RASA2: variants seen among roughly 807,000 people sequenced by gnomAD.
The protein encoded by RASA2 is RAS p21 protein activator 2.
RASA2 carries 155 observed loss-of-function variants against 118.2 expected under a neutral mutation model. The observed-to-expected ratio is 1.31, with a 90% CI of 1.15 to 1.50. The LOEUF (loss-of-function observed/expected upper bound fraction) is 1.50. RASA2 is among the 40% of genes most tolerant of loss of function. The probability of loss-of-function intolerance (pLI) is 0.00; values close to 1 mark genes in which losing one functional copy is unlikely to be tolerated. For missense variants in RASA2, 1,016 were observed against 1,009.6 expected (o/e 1.01, Z -0.09); for synonymous variants, 353 against 349.1 (o/e 1.01, Z -0.12).
At position 141,614,544 on chromosome 3, in the gene RASA2, A is replaced by G. The variant is rs1216659531; in HGVS notation, c.*2231A>G. On this transcript the variant is annotated 3_prime_UTR_variant, in exon 24 of 24. Coordinates refer to ENST00000286364, the MANE Select transcript of RASA2 (RefSeq NM_006506.5). ...ACCTTTTCCACATTTGAAAATATAC[A>G]AGGCAGCTCACTTCATCCTAAAAAC... 1 of 152,164 alleles carries G rather than the reference A, an allele frequency of 6.6e-6. No individual in the cohort carries two copies. The highest frequency in any genetic ancestry group is 2.4e-5 in the African/African-American group (1 of 41,434). The allele number at this position is 152,164 out of a possible 1,614,324, so 9.4% of individuals were successfully genotyped here. A position where few individuals can be genotyped will look rare whatever the true frequency, so the allele number is the denominator to read the frequency against.
intron 1 of RASA2, among the ~76,000 whole-genome samples, chr3:141,510,258 G>A (rs927376022): frequency 7.9e-5 from 12 of 152,132 alleles, no homozygotes; most frequent in Admixed American, 5.2e-4. Flanking sequence ...TGGTTTTATG[G>A]TTCTTGGGGT....
At chr3:141,494,495 A>G (rs1015996068) in intron 1 of RASA2, among the ~76,000 whole-genome samples, 65 of 152,236 alleles carry the variant, frequency 4.3e-4, no homozygotes, top group African/African-American at 1.5e-3. Flanking sequence ...CAGCCTCCCG[A>G]GTAGCTGGGA....
rs973978822 is a variant in RASA2 at position 141,586,928 on chromosome 3, T to C, written c.1933+176T>C. ...TATTTGACAGTAACCCCATGTATATTATGTTTTTCTCACATTAAATTTCTT... is the reference window on the plus strand; with the variant it reads ...TATTTGACAGTAACCCCATGTATATCATGTTTTTCTCACATTAAATTTCTT... On this transcript the variant is annotated intron_variant, in intron 19 of 23. Coordinates refer to ENST00000286364, the MANE Select transcript of RASA2 (RefSeq NM_006506.5). The C allele has an allele frequency of 4.3e-5, 28 of 656,052 alleles. No individual in the cohort carries two copies. The African/African-American group carries it at 4.5e-4, about 11-fold the overall frequency. The allele number at this position is 656,052 out of a possible 1,614,324, so 40.6% of individuals were successfully genotyped here.
In RASA2 at chr3:141,580,556, A is replaced by ACG. The variant is rs1491569380; in HGVS notation, c.1674+106_1674+107insGC. ...TTCTTCCAAATTAAAAACAAAACATACACACACACACACACACACACAGAC... is the reference window on the plus strand; with the variant it reads ...TTCTTCCAAATTAAAAACAAAACATACGCACACACACACACACACACACAGAC... On this transcript the variant is annotated intron_variant, in intron 16 of 23. Transcript: ENST00000286364. The ACG allele has an allele frequency of 1.7e-5, 5 of 291,634 alleles. No homozygotes were observed. The African/African-American group carries it at 1.9e-4, about 11-fold the overall frequency. The allele number at this position is 291,634 out of a possible 1,614,324, so 18.1% of individuals were successfully genotyped here.
rs1439927653 is a variant in RASA2 at position 141,580,086 on chromosome 3, ATATATATAT to A, written c.1591-281_1591-273del. On this transcript the variant is annotated intron_variant, in intron 15 of 23. Coordinates refer to ENST00000286364, the MANE Select transcript of RASA2 (RefSeq NM_006506.5). ...AAAAAAAAGAAAAAAAAAAAAAAAA[ATATATATAT>A]ATATATATATATATATATATATGAC... 4.5e-3 allele frequency among the ~76,000 whole-genome samples: 229 copies of A among 51,266 alleles called. 3 individuals carry two copies. The highest frequency in any genetic ancestry group is 0.014 in the African/African-American group (169 of 12,398). 33.6% of individuals were successfully genotyped at this position (51,266 alleles called of 152,430 possible).
At chr3:141,513,036 C>T (rs1341344755) in intron 2 of RASA2, among the ~76,000 whole-genome samples, 1 of 149,094 alleles carries the variant, frequency 6.7e-6, no homozygotes, top group Non-Finnish European at 1.5e-5. Context: ...GGACTCTAGC[C>T]TGGGCAACAA....
At position 141,572,784 on chromosome 3, in the gene RASA2, A is replaced by C. The variant is rs1256229272; in HGVS notation, c.1284+61A>C. The C allele has an allele frequency of 1.1e-5, 14 of 1,259,188 alleles. No individual in the cohort carries two copies. In the South Asian group the frequency reaches 1.5e-4, roughly 14 times the overall value. The allele number at this position is 1,259,188 out of a possible 1,614,324, so 78.0% of individuals were successfully genotyped here. On this transcript the variant is annotated intron_variant, in intron 12 of 23. Transcript: ENST00000286364. ...CCTTATGATAGTTGTTCTTTTATCA[A>C]GTGATCTATTGATGGGAAGGATTTA...
intron 1 of RASA2, among the ~76,000 whole-genome samples, chr3:141,498,664 G>T (rs967216490): frequency 1.3e-5 from 2 of 151,952 alleles, no homozygotes; most frequent in Non-Finnish European, 2.9e-5. Flanking sequence ...GTGGAGGGGG[G>T]GCGAAGATCA....
chr3:141,503,754 G>A (rs995009577), intron 1 of RASA2, among the ~76,000 whole-genome samples: 1 of 152,120 alleles, frequency 6.6e-6, no homozygotes, highest in Non-Finnish European at 1.5e-5. Flanking sequence ...CTTTTTGTCT[G>A]TTTTGCTCAC....
intron 1 of RASA2, among the ~76,000 whole-genome samples, chr3:141,508,776 A>AGAGAT (rs891686263): frequency 6.6e-6 from 1 of 151,948 alleles, no homozygotes; most frequent in African/African-American, 2.4e-5. Flanking sequence ...ACTTGAAAGG[A>AGAGAT]GAGATTATAG....
chr3:141,563,101 GCTGA>G (rs2082762683), intron 9 of RASA2, among the ~76,000 whole-genome samples: 2 of 152,142 alleles, frequency 1.3e-5, no homozygotes, highest in Non-Finnish European at 2.9e-5. Context: ...TTGTTTAAAT[GCTGA>G]TTTTTTTCTG....
intron 19 of RASA2, among the ~76,000 whole-genome samples, chr3:141,587,345 G>A (rs1260208858): frequency 1.3e-5 from 2 of 152,238 alleles, no homozygotes; most frequent in Non-Finnish European, 2.9e-5. Context: ...CTGCAGAGAG[G>A]CAAAGCTTAT....
At chr3:141,586,182 A>C in intron 18 of RASA2, 84 bp downstream of exon 18, 1 of 1,293,096 alleles carries the variant, frequency 7.7e-7, no homozygotes, top group Non-Finnish European at 1.1e-6. Context: ...AAGAGTGAGG[A>C]GATCTGGCTT....
chr3:141,609,663 G>A, intron 22 of RASA2, 140 bp downstream of exon 22: 2 of 810,922 alleles, frequency 2.5e-6, no homozygotes, highest in Admixed American at 7.0e-5. Flanking sequence ...AACCCACAGA[G>A]AGGCATTTTT....
At chr3:141,579,880 ACT>A (rs1189876950) in intron 15 of RASA2, among the ~76,000 whole-genome samples, 3 of 151,158 alleles carry the variant, frequency 2.0e-5, no homozygotes, top group Non-Finnish European at 4.4e-5. Context: ...ACATGGCAAA[ACT>A]CTGTTTCTAC....
intron 3 of RASA2, among the ~76,000 whole-genome samples, chr3:141,518,645 T>C (rs752695273): frequency 6.6e-5 from 10 of 151,856 alleles, no homozygotes; most frequent in Non-Finnish European, 1.5e-4. Flanking sequence ...CTCTATAATC[T>C]GGCTTCTATG....
At chr3:141,504,366 C>T (rs2151074861) in intron 1 of RASA2, among the ~76,000 whole-genome samples, 1 of 152,328 alleles carries the variant, frequency 6.6e-6, no homozygotes, top group Middle Eastern at 3.4e-3. Flanking sequence ...ATGTATAAGG[C>T]ATCTCAGATT....
intron 2 of RASA2, among the ~76,000 whole-genome samples, chr3:141,513,090 G>A (rs7651511): frequency 0.28 from 42,109 of 147,810 alleles, 6,274 homozygotes; most frequent in Non-Finnish European, 0.33. Context: ...ACAAAAAAAC[G>A]AAAAACAGGG....
intron 18 of RASA2, 125 bp downstream of exon 18, chr3:141,586,223 C>A: frequency 1.2e-6 from 1 of 826,546 alleles, no homozygotes; most frequent in Non-Finnish European, 1.8e-6. Flanking sequence ...CCAAAATTAG[C>A]AGTCAGGTAA....
Sources: allele counts gnomAD v4.1 joint callset (sites outside exome capture counted in the v4.1 genomes callset), GRCh38; gene constraint gnomAD v4.1.1; transcripts MANE v1.5; gene names NCBI Gene and HGNC (gene_info 2026-07-23, HGNC 2026-07-21).